CDC42BPA: variants seen among roughly 807,000 people sequenced by gnomAD.
CDC42BPA encodes the protein serine/threonine-protein kinase MRCK alpha.
A neutral mutation model predicts 223.5 loss-of-function variants in CDC42BPA; 80 were observed. That is an observed-to-expected ratio of 0.36 (90% confidence interval 0.30 to 0.43). The LOEUF is 0.43. CDC42BPA is among the 20% of genes least tolerant of loss of function. CDC42BPA has a pLI of 1.00. For missense variants in CDC42BPA, 1,743 were observed against 2,099.9 expected (o/e 0.83, Z 3.32); for synonymous variants, 694 against 718.6 (o/e 0.97, Z 0.55).
intron 10 of CDC42BPA, among the ~76,000 whole-genome samples, chr1:227,134,299 CCTA>C (rs1658047705): frequency 6.6e-6 from 1 of 152,160 alleles, no homozygotes; most frequent in Non-Finnish European, 1.5e-5. Flanking sequence ...CTACTCTCCT[CCTA>C]CTGTATGATT....
chr1:227,132,868 T>C (rs1657512528), intron 10 of CDC42BPA, among the ~76,000 whole-genome samples: 1 of 144,284 alleles, frequency 6.9e-6, no homozygotes, highest in Non-Finnish European at 1.5e-5. Context: ...CCGCCCCGTC[T>C]GAGAAGTGAG....
chr1:227,114,563 T>C (rs963816404), intron 12 of CDC42BPA, among the ~76,000 whole-genome samples: 7 of 151,758 alleles, frequency 4.6e-5, no homozygotes, highest in African/African-American at 1.7e-4. Flanking sequence ...GATTATACTA[T>C]AAAAATGTTA....
chr1:227,014,570 GTTT>G (rs142094209), intron 34 of CDC42BPA, among the ~76,000 whole-genome samples: 1 of 151,406 alleles, frequency 6.6e-6, no homozygotes, highest in Non-Finnish European at 1.5e-5. Context: ...TTTAAAAGGC[GTTT>G]TTTTTAATTT....
At chr1:227,193,380 A>C (rs1198420678) in intron 5 of CDC42BPA, among the ~76,000 whole-genome samples, 2 of 151,328 alleles carry the variant, frequency 1.3e-5, no homozygotes, top group African/African-American at 4.9e-5. Flanking sequence ...TTTTTCATAG[A>C]TTTAGGGGGT....
rs1558223590 is a variant in CDC42BPA at position 226,991,307 on chromosome 1, A to G, written c.*2961T>C. On this transcript the variant is annotated 3_prime_UTR_variant, in exon 37 of 37. Transcript: ENST00000366766. ...GCATGAAAACAAAAGAAAACTTCAGATAGTAATAAAATACTTTATCTGTGA... is the reference window on the plus strand; with the variant it reads ...GCATGAAAACAAAAGAAAACTTCAGGTAGTAATAAAATACTTTATCTGTGA... The G allele has an allele frequency of 6.6e-6, 1 of 152,334 alleles. No homozygotes were observed. The highest frequency in any genetic ancestry group is 1.5e-5 in the Non-Finnish European group (1 of 68,038). The allele number at this position is 152,334 out of a possible 1,614,324, so 9.4% of individuals were successfully genotyped here. A position where few individuals can be genotyped will look rare whatever the true frequency, so the allele number is the denominator to read the frequency against.
At chr1:227,054,522 A>C (rs1674180259) in intron 21 of CDC42BPA, among the ~76,000 whole-genome samples, 2 of 152,220 alleles carry the variant, frequency 1.3e-5, no homozygotes, top group Admixed American at 6.5e-5. Flanking sequence ...CTGGTTGTTA[A>C]AACATTTACC....
chr1:227,199,707 T>A, intron 3 of CDC42BPA, 55 bp from the exon 4 acceptor site: 2 of 813,778 alleles, frequency 2.5e-6, no homozygotes, highest in Non-Finnish European at 4.3e-6. Flanking sequence ...CTAGGAAATA[T>A]ACAAAGAATT....
intron 34 of CDC42BPA, chr1:227,010,840 G>A (rs752795366): frequency 3.2e-6 from 4 of 1,238,666 alleles, no homozygotes; most frequent in African/African-American, 1.6e-5. Context: ...ATCCATACAT[G>A]GTTAGTGAAA....
At chr1:227,291,719 CCAGTTTGCAT>C (rs147840835) in intron 1 of CDC42BPA, among the ~76,000 whole-genome samples, 14,204 of 152,228 alleles carry the variant, frequency 0.093, 831 homozygotes, top group Middle Eastern at 0.17. Flanking sequence ...ATTCTTCAAA[CCAGTTTGCAT>C]CAGGTTTTCT....
intron 2 of CDC42BPA, among the ~76,000 whole-genome samples, chr1:227,225,527 T>C (rs1219906360): frequency 1.3e-5 from 2 of 152,186 alleles, no homozygotes; most frequent in African/African-American, 4.8e-5. Context: ...ATTAAACACA[T>C]AAATAAGGAA....
At chr1:227,055,516 G>T (rs571485850) in intron 21 of CDC42BPA, among the ~76,000 whole-genome samples, 3 of 152,116 alleles carry the variant, frequency 2.0e-5, no homozygotes, top group Admixed American at 6.5e-5. Context: ...TTATGAATTG[G>T]CAATGACTCT....
intron 5 of CDC42BPA, among the ~76,000 whole-genome samples, chr1:227,180,786 GT>G (rs1667799915): frequency 6.6e-6 from 1 of 152,050 alleles, no homozygotes; most frequent in African/African-American, 2.4e-5. Context: ...ATGAAACTTA[GT>G]TTTTCTTTCT....
chr1:227,142,524 C>T (rs12063170), intron 9 of CDC42BPA, among the ~76,000 whole-genome samples: 141,713 of 152,250 alleles, frequency 0.93, 66,146 homozygotes, highest in South Asian at 0.98. Flanking sequence ...AGTAGGCTCA[C>T]TCTATTTTTT....
chr1:227,106,997 A>C (rs551382281), intron 14 of CDC42BPA, among the ~76,000 whole-genome samples: 78 of 152,316 alleles, frequency 5.1e-4, no homozygotes, highest in Non-Finnish European at 9.0e-4. Flanking sequence ...TGACTCCTCC[A>C]ACTTTGTCCT....
At chr1:227,100,901 G>A in intron 15 of CDC42BPA, 91 bp downstream of exon 15, 1 of 842,292 alleles carries the variant, frequency 1.2e-6, no homozygotes, top group Non-Finnish European at 1.8e-6. Context: ...TTTAGGTCTA[G>A]GATATGTTTA....
At chr1:227,197,237 T>C (rs1246088512) in intron 4 of CDC42BPA, among the ~76,000 whole-genome samples, 1 of 152,166 alleles carries the variant, frequency 6.6e-6, no homozygotes, top group African/African-American at 2.4e-5. Context: ...ATTTCCTTTT[T>C]TGGTATCTAA....
intron 5 of CDC42BPA, 66 bp from the exon 6 acceptor site, chr1:227,160,702 C>A: frequency 2.3e-6 from 2 of 882,466 alleles, no homozygotes; most frequent in Admixed American, 2.4e-5. Context: ...GTAAGATATT[C>A]TTTTTGTCAG....
At chr1:227,160,874 GTTAAA>G (rs1402724869) in intron 5 of CDC42BPA, among the ~76,000 whole-genome samples, 2 of 152,030 alleles carry the variant, frequency 1.3e-5, no homozygotes, top group African/African-American at 4.8e-5. Context: ...TTTCATTCTG[GTTAAA>G]TTAATCTTAC....
At chr1:227,096,281 T>C (rs112318943) in intron 15 of CDC42BPA, among the ~76,000 whole-genome samples, 22 of 152,266 alleles carry the variant, frequency 1.4e-4, no homozygotes, top group African/African-American at 5.3e-4. Flanking sequence ...CAGAAAAATA[T>C]GTACACAAAT....
Sources: gnomAD v4.1 joint callset for allele counts (sites outside exome capture counted in the v4.1 genomes callset) on GRCh38, gnomAD v4.1.1 for gene constraint, MANE v1.5 for transcripts, NCBI Gene and HGNC (gene_info 2026-07-23, HGNC 2026-07-21) for gene names.